Variants in NT5C2 observed in about 807,000 individuals in gnomAD.
NT5C2 encodes the protein 5'-nucleotidase, cytosolic II.
A neutral mutation model predicts 76.1 loss-of-function variants in NT5C2; 58 were observed. The ratio of observed to expected loss-of-function variants is 0.76; its 90% CI spans 0.62 to 0.95. The LOEUF (loss-of-function observed/expected upper bound fraction) is 0.95. Among genes scored for constraint, NT5C2 ranks in the 40% least tolerant of loss-of-function variants. NT5C2 has a pLI of 0.00. For missense variants in NT5C2, 478 were observed against 690.3 expected (o/e 0.69, Z 3.45); for synonymous variants, 229 against 237.4 (o/e 0.96, Z 0.32).
intron 1 of NT5C2, among the ~76,000 whole-genome samples, chr10:103,181,918 A>C (rs1403434610): frequency 6.6e-6 from 1 of 151,884 alleles, no homozygotes; most frequent in Non-Finnish European, 1.5e-5. Flanking sequence ...GAGGCAGGAG[A>C]ATTGCTTCTC....
intron 1 of NT5C2, among the ~76,000 whole-genome samples, chr10:103,192,272 G>A (rs2092695147): frequency 1.3e-5 from 2 of 152,170 alleles, no homozygotes; most frequent in South Asian, 2.1e-4. Context: ...GCCCCTGGAC[G>A]GGCGCGCACA....
chr10:103,111,564 G>A, intron 4 of NT5C2, among the ~76,000 whole-genome samples: 1 of 152,122 alleles, frequency 6.6e-6, no homozygotes, highest in East Asian at 1.9e-4. Context: ...ACATATTAAA[G>A]GACAAAGTCC....
chr10:103,133,484 C>T (rs144945968), intron 4 of NT5C2, among the ~76,000 whole-genome samples: 4 of 152,276 alleles, frequency 2.6e-5, no homozygotes, highest in African/African-American at 9.6e-5. Context: ...AGGTCTCGAA[C>T]TCCTGACCTC....
At chr10:103,119,750 T>G (rs1386076582) in intron 4 of NT5C2, among the ~76,000 whole-genome samples, 1 of 152,164 alleles carries the variant, frequency 6.6e-6, no homozygotes, top group Non-Finnish European at 1.5e-5. Flanking sequence ...TTCATCGTTC[T>G]TTAAGAAGAA....
chr10:103,150,613 C>T (rs1035588720), intron 3 of NT5C2, among the ~76,000 whole-genome samples: 4 of 152,180 alleles, frequency 2.6e-5, no homozygotes, highest in African/African-American at 9.7e-5. Context: ...TTCTCTTTTG[C>T]ACTCTTATCA....
At chr10:103,101,170 T>C (rs2069531084) in intron 7 of NT5C2, 65 bp downstream of exon 7, 1 of 1,420,726 alleles carries the variant, frequency 7.0e-7, no homozygotes, top group Non-Finnish European at 1.0e-6. Context: ...ATTACCTCCC[T>C]TGAATACAGA....
chr10:103,136,815 G>C (rs771293113), intron 4 of NT5C2, among the ~76,000 whole-genome samples: 1 of 151,980 alleles, frequency 6.6e-6, no homozygotes, highest in Non-Finnish European at 1.5e-5. Flanking sequence ...TAGTAGAGAT[G>C]GGGTTTCACC....
chr10:103,102,468 C>G (rs1363659703), intron 6 of NT5C2, among the ~76,000 whole-genome samples: 1 of 152,018 alleles, frequency 6.6e-6, no homozygotes, highest in Admixed American at 6.6e-5. Context: ...TGTGAAAGAG[C>G]ATAGAGAGAT....
intron 4 of NT5C2, among the ~76,000 whole-genome samples, chr10:103,108,426 T>C (rs1389420331): frequency 1.3e-5 from 2 of 152,220 alleles, no homozygotes; most frequent in Admixed American, 6.5e-5. Flanking sequence ...TGATTTTTCA[T>C]TGCAATTAGT....
chr10:103,186,074 A>G (rs1021703193), intron 1 of NT5C2, among the ~76,000 whole-genome samples: 1 of 152,226 alleles, frequency 6.6e-6, no homozygotes, highest in African/African-American at 2.4e-5. Flanking sequence ...ACGAAGAAGT[A>G]AACAGGAAAG....
intron 4 of NT5C2, among the ~76,000 whole-genome samples, chr10:103,128,114 C>G (rs554385085): frequency 4.0e-5 from 6 of 151,082 alleles, no homozygotes; most frequent in Non-Finnish European, 8.9e-5. Context: ...CACGGTCTCC[C>G]TCTCATGCGG....
At chr10:103,137,496 T>G (rs2136231861) in intron 4 of NT5C2, among the ~76,000 whole-genome samples, 1 of 152,354 alleles carries the variant, frequency 6.6e-6, no homozygotes, top group East Asian at 1.9e-4. Context: ...CGTAATTTCG[T>G]GTTTGAACAC....
intron 3 of NT5C2, among the ~76,000 whole-genome samples, chr10:103,148,625 C>T (rs1488970330): frequency 6.6e-6 from 1 of 151,746 alleles, no homozygotes; most frequent in Non-Finnish European, 1.5e-5. Context: ...AAAAGAACAG[C>T]CTCCTGTGCA....
intron 15 of NT5C2, among the ~76,000 whole-genome samples, chr10:103,092,500 G>A (rs1450968581): frequency 6.6e-6 from 1 of 152,250 alleles, no homozygotes; most frequent in Non-Finnish European, 1.5e-5. Context: ...AAGTTATGGA[G>A]CCAGGGCTCC....
At position 103,090,800 on chromosome 10, in the gene NT5C2, ACAAGAT is replaced by A; in HGVS notation, c.1273-19_1273-14del. On this transcript the variant is annotated splice_polypyrimidine_tract_variant and intron_variant, in intron 17 of 18. Coordinates refer to ENST00000404739, the MANE Select transcript of NT5C2 (RefSeq NM_001351169.2). Reference sequence around the variant, plus strand: ...CATGAGTTACTTTCTAAAACAAAGAACAAGATTGATTCTTGGCTCATTCAACAAATA... The same window carrying A: ...CATGAGTTACTTTCTAAAACAAAGAATGATTCTTGGCTCATTCAACAAATA... 6.2e-7 allele frequency: 1 copy of A among 1,613,530 alleles called. No homozygotes were observed. The highest frequency in any genetic ancestry group is 8.5e-7 in the Non-Finnish European group (1 of 1,179,630).
At chr10:103,153,432 G>A (rs369176011) in intron 3 of NT5C2, 5 of 1,139,648 alleles carry the variant, frequency 4.4e-6, no homozygotes, top group South Asian at 1.8e-5. Flanking sequence ...AACAAATTTG[G>A]GCACAATGCC....
intron 14 of NT5C2, chr10:103,093,761 C>A: frequency 6.0e-6 from 3 of 503,858 alleles, no homozygotes; most frequent in Admixed American, 6.7e-5. Context: ...AAAAACTGAT[C>A]ATTTTAGTGA....
chr10:103,160,292 C>T (rs1355620449), intron 3 of NT5C2, among the ~76,000 whole-genome samples: 1 of 152,012 alleles, frequency 6.6e-6, no homozygotes, highest in Admixed American at 6.6e-5. Context: ...GTAAAACTAA[C>T]AGAAGAGAAC....
chr10:103,113,570 A>G (rs1245747527), intron 4 of NT5C2, among the ~76,000 whole-genome samples: 3 of 152,170 alleles, frequency 2.0e-5, no homozygotes, highest in African/African-American at 7.2e-5. Flanking sequence ...TTTAACAAAC[A>G]TTTGGATACC....
Sources: allele counts gnomAD v4.1 joint callset (sites outside exome capture counted in the v4.1 genomes callset), GRCh38; gene constraint gnomAD v4.1.1; transcripts MANE v1.5; gene names NCBI Gene and HGNC (gene_info 2026-07-23, HGNC 2026-07-21).